Variants in RAB39A observed in about 807,000 individuals in gnomAD.
The protein encoded by RAB39A is ras-related protein Rab-39A.
Under a neutral mutation model 20.9 loss-of-function variants are expected in RAB39A, and 17 were observed. The ratio of observed to expected loss-of-function variants is 0.81; its 90% CI spans 0.56 to 1.22. The LOEUF is 1.22. Among genes scored for constraint, RAB39A ranks in the 50% most tolerant of loss-of-function variants. The probability of loss-of-function intolerance (pLI) is 0.00; values close to 1 mark genes in which losing one functional copy is unlikely to be tolerated. For synonymous variants in RAB39A, 99 were observed against 103.4 expected, an observed-to-expected ratio of 0.96 and a Z score of 0.26; for missense variants, 234 against 270.5, an observed-to-expected ratio of 0.87 and a Z score of 0.95.
chr11:107,946,394 ATATGTGTGTGTGTGTGTGTG>A (rs1861311608), intron 1 of RAB39A, among the ~76,000 whole-genome samples: 1 of 38,456 alleles, frequency 2.6e-5, no homozygotes, highest in African/African-American at 9.2e-5. Flanking sequence ...GTGGGTGTAT[ATATGTGTGTGTGTGTGTGTG>A]TGTGTGTGTG....
chr11:107,951,615 A>ATT (rs4028253), intron 1 of RAB39A, among the ~76,000 whole-genome samples: 20,234 of 105,590 alleles, frequency 0.19, 2,539 homozygotes, highest in African/African-American at 0.25. Flanking sequence ...CCATTTTCAG[A>ATT]TTTTTTTTTT....
intron 1 of RAB39A, 95 bp from the exon 2 acceptor site, chr11:107,961,851 G>T: frequency 2.1e-6 from 2 of 963,676 alleles, no homozygotes; most frequent in Non-Finnish European, 3.0e-6. Context: ...ATCATATTAA[G>T]ATATCTTCAA....
At chr11:107,934,488 G>A (rs1038938514) in intron 1 of RAB39A, among the ~76,000 whole-genome samples, 1 of 152,076 alleles carries the variant, frequency 6.6e-6, no homozygotes, top group Non-Finnish European at 1.5e-5. Context: ...AGTATAATTT[G>A]GGAATAGCTC....
intron 1 of RAB39A, among the ~76,000 whole-genome samples, chr11:107,945,901 A>T (rs936395310): frequency 6.6e-6 from 1 of 152,158 alleles, no homozygotes; most frequent in Non-Finnish European, 1.5e-5. Flanking sequence ...GTTATGTTGG[A>T]TGCTAAAACT....
intron 1 of RAB39A, among the ~76,000 whole-genome samples, chr11:107,946,422 GTGTGTGTGTGTGTGTA>G (rs1378496829): frequency 9.3e-3 from 321 of 34,442 alleles, no homozygotes; most frequent in African/African-American, 0.029. Context: ...GTGTGTGTGT[GTGTGTGTGTGTGTGTA>G]TATATATATA....
intron 1 of RAB39A, among the ~76,000 whole-genome samples, chr11:107,938,092 G>A (rs937617566): frequency 6.6e-6 from 1 of 152,046 alleles, no homozygotes; most frequent in Non-Finnish European, 1.5e-5. Context: ...GCCAGGCATG[G>A]TGGCTCACGC....
chr11:107,961,673 CAA>C (rs1245919929), intron 1 of RAB39A, among the ~76,000 whole-genome samples: 1 of 150,984 alleles, frequency 6.6e-6, no homozygotes, highest in Non-Finnish European at 1.5e-5. Flanking sequence ...AAAGCAAAAA[CAA>C]ATAATCAGAC....
intron 1 of RAB39A, among the ~76,000 whole-genome samples, chr11:107,938,610 C>G (rs1861225554): frequency 1.3e-5 from 2 of 149,814 alleles, no homozygotes; most frequent in African/African-American, 4.9e-5. Flanking sequence ...GTGGAGTGCC[C>G]CTGTAGTCCC....
chr11:107,930,687 C>G (rs1442502604), intron 1 of RAB39A, among the ~76,000 whole-genome samples: 2 of 151,944 alleles, frequency 1.3e-5, no homozygotes, highest in South Asian at 4.2e-4. Flanking sequence ...GAAACCCTGT[C>G]TCTACCAAAA....
intron 1 of RAB39A, among the ~76,000 whole-genome samples, chr11:107,934,755 C>T (rs1189578628): frequency 6.6e-6 from 1 of 151,850 alleles, no homozygotes; most frequent in African/African-American, 2.4e-5. Flanking sequence ...TGGTGAAACC[C>T]CCATCTCTAC....
intron 1 of RAB39A, 101 bp from the exon 2 acceptor site, chr11:107,961,845 T>C: frequency 1.1e-6 from 1 of 930,180 alleles, no homozygotes. Flanking sequence ...AGTTAAATCA[T>C]ATTAAGATAT....
chr11:107,942,013 C>G (rs1218190774), intron 1 of RAB39A, among the ~76,000 whole-genome samples: 1 of 143,786 alleles, frequency 7.0e-6, no homozygotes, highest in Non-Finnish European at 1.5e-5. Flanking sequence ...GCAGGAGAAT[C>G]GCTTAAACCT....
intron 1 of RAB39A, among the ~76,000 whole-genome samples, chr11:107,947,807 CAAAAAA>C (rs35694249): frequency 0.098 from 7,836 of 80,362 alleles, 193 homozygotes; most frequent in Middle Eastern, 0.15. Flanking sequence ...CATCAACAGG[CAAAAAA>C]AAAAAAAAAA....
chr11:107,952,696 G>A (rs1325039645), intron 1 of RAB39A, among the ~76,000 whole-genome samples: 5 of 151,584 alleles, frequency 3.3e-5, no homozygotes, highest in Non-Finnish European at 7.4e-5. Context: ...TCTGGCCAAT[G>A]TGGTGAAACC....
At chr11:107,935,006 C>T (rs1861179962) in intron 1 of RAB39A, among the ~76,000 whole-genome samples, 1 of 151,218 alleles carries the variant, frequency 6.6e-6, no homozygotes, top group Non-Finnish European at 1.5e-5. Context: ...CAGCCCCTAA[C>T]TATTACCACT....
intron 1 of RAB39A, among the ~76,000 whole-genome samples, chr11:107,931,283 T>A (rs965010462): frequency 3.3e-5 from 5 of 152,212 alleles, no homozygotes. Flanking sequence ...CTGGCCTAGA[T>A]GATTGTTTTT....
intron 1 of RAB39A, among the ~76,000 whole-genome samples, chr11:107,947,532 A>G (rs1861331255): frequency 6.6e-6 from 1 of 152,196 alleles, no homozygotes; most frequent in Non-Finnish European, 1.5e-5. Flanking sequence ...GCAATTCAAG[A>G]AAGTTTTCTA....
chr11:107,933,879 C>G (rs1861166172), intron 1 of RAB39A, among the ~76,000 whole-genome samples: 1 of 151,882 alleles, frequency 6.6e-6, no homozygotes, highest in Non-Finnish European at 1.5e-5. Context: ...TGGTCTCGAA[C>G]TCCTGACCTC....
chr11:107,928,796 G>A lies in RAB39A; in HGVS notation c.227+1G>A, dbSNP rs1174378422. The A allele has an allele frequency of 6.5e-7, 1 of 1,540,916 alleles. No homozygotes were observed. Among genetic ancestry groups the A allele is most frequent in the South Asian group, 1.2e-5 (1 of 83,890 alleles). On this transcript the variant is annotated splice_donor_variant, in intron 1 of 1. Transcript: ENST00000320578. LOFTEE classifies it high-confidence loss of function. The surrounding 1 kb of genome is among the most constrained non-coding windows in gnomAD (Gnocchi z 4.9). The stretch of plus-strand genomic sequence containing the variant: ...ACACGGCGGGACAGGAGCGGTTCAG[G>A]TAGGGACCCCGGGGACCTTGGGCAC...
Sources: allele counts gnomAD v4.1 joint callset (sites outside exome capture counted in the v4.1 genomes callset), GRCh38; gene constraint gnomAD v4.1.1; non-coding constraint Gnocchi (gnomAD v3.1); transcripts MANE v1.5; gene names NCBI Gene and HGNC (gene_info 2026-07-23, HGNC 2026-07-21).